Variants in VPS13B observed in about 807,000 individuals in gnomAD.
VPS13B encodes the protein intermembrane lipid transfer protein VPS13B.
Under a neutral mutation model 426.4 loss-of-function variants are expected in VPS13B, and 285 were observed. That is an observed-to-expected ratio of 0.67 (90% CI 0.61 to 0.74). The LOEUF is 0.74. Ranked by LOEUF, VPS13B falls within the 30% of genes least tolerant of loss-of-function variation. VPS13B has a pLI of 0.00. For synonymous variants in VPS13B, 1,676 were observed against 1,676.4 expected (o/e 1.00, Z 0.01); for missense variants, 4,537 against 4,782.6 (o/e 0.95, Z 1.51).
At chr8:99,251,370 G>T (rs1457217097) in intron 17 of VPS13B, among the ~76,000 whole-genome samples, 3 of 151,702 alleles carry the variant, frequency 2.0e-5, no homozygotes, top group Non-Finnish European at 4.4e-5. Context: ...TTTTAATCCT[G>T]AGAGGGTGTT....
intron 25 of VPS13B, among the ~76,000 whole-genome samples, chr8:99,491,466 G>A: frequency 6.6e-6 from 1 of 152,138 alleles, no homozygotes; most frequent in East Asian, 1.9e-4. Flanking sequence ...TTTCTAACTT[G>A]ATTCCATTTT....
At chr8:99,593,069 T>A (rs1173450778) in intron 33 of VPS13B, among the ~76,000 whole-genome samples, 1 of 152,112 alleles carries the variant, frequency 6.6e-6, no homozygotes, top group Non-Finnish European at 1.5e-5. Flanking sequence ...AAATGGGATC[T>A]AATTAAACTA....
At chr8:99,435,027 G>A (rs557755498) in intron 22 of VPS13B, among the ~76,000 whole-genome samples, 1 of 152,324 alleles carries the variant, frequency 6.6e-6, no homozygotes. Flanking sequence ...CCATGGTATG[G>A]AGTATACTGT....
At chr8:99,229,148 A>G (rs1026978050) in intron 17 of VPS13B, among the ~76,000 whole-genome samples, 37 of 152,196 alleles carry the variant, frequency 2.4e-4, no homozygotes, top group African/African-American at 8.9e-4. Context: ...TGTGAAAAAA[A>G]GGGTCGGGAA....
intron 16 of VPS13B, among the ~76,000 whole-genome samples, chr8:99,171,384 C>T (rs939089386): frequency 5.9e-5 from 9 of 151,746 alleles, no homozygotes; most frequent in Non-Finnish European, 8.8e-5. Context: ...CTATTTTCTC[C>T]GTTATGTGCT....
intron 42 of VPS13B, among the ~76,000 whole-genome samples, chr8:99,781,053 T>C (rs542025322): frequency 2.9e-4 from 44 of 152,286 alleles, no homozygotes; most frequent in African/African-American, 1.0e-3. Flanking sequence ...CGGATTCATA[T>C]TGGAGACAAG....
At chr8:99,106,203 G>A (rs1847034354) in intron 5 of VPS13B, among the ~76,000 whole-genome samples, 1 of 151,572 alleles carries the variant, frequency 6.6e-6, no homozygotes, top group Admixed American at 6.6e-5. Flanking sequence ...AGGCTGAGGC[G>A]GGCGGATCCC....
intron 19 of VPS13B, among the ~76,000 whole-genome samples, chr8:99,351,514 A>T (rs1811894779): frequency 6.6e-6 from 1 of 150,770 alleles, no homozygotes; most frequent in Admixed American, 6.6e-5. Context: ...GAATGTGTTC[A>T]CCTTTCTTTC....
intron 21 of VPS13B, among the ~76,000 whole-genome samples, chr8:99,421,845 G>A (rs916103735): frequency 5.3e-5 from 8 of 151,926 alleles, no homozygotes; most frequent in African/African-American, 1.9e-4. Flanking sequence ...GCCCAGCTAA[G>A]TTTTGTAATA....
chr8:99,673,940 G>C (rs2129911854), intron 35 of VPS13B, among the ~76,000 whole-genome samples: 1 of 152,090 alleles, frequency 6.6e-6, no homozygotes, highest in Admixed American at 6.5e-5. Context: ...TTGGTTGCTA[G>C]TTTTATACCA....
At chr8:99,474,013 T>A (rs1363244857) in intron 24 of VPS13B, among the ~76,000 whole-genome samples, 1 of 152,142 alleles carries the variant, frequency 6.6e-6, no homozygotes. Flanking sequence ...TAAAGAGATA[T>A]ATCTCCTCAT....
At chr8:99,040,794 A>G (rs549662658) in intron 3 of VPS13B, among the ~76,000 whole-genome samples, 33 of 152,280 alleles carry the variant, frequency 2.2e-4, no homozygotes, top group African/African-American at 7.7e-4. Context: ...AAAAAAAACT[A>G]TTATGCATAG....
At chr8:99,693,802 G>A (rs1348133226) in intron 35 of VPS13B, among the ~76,000 whole-genome samples, 6 of 150,416 alleles carry the variant, frequency 4.0e-5, no homozygotes, top group South Asian at 2.1e-4. Context: ...AAACCCCATC[G>A]TCTCAGCCCC....
At chr8:99,832,341 A>ATTGTTTTTTTTTTTTTTTTTTTTTTT in intron 51 of VPS13B, 28 bp from the exon 52 acceptor site, 1 of 1,192,552 alleles carries the variant, frequency 8.4e-7, no homozygotes, top group Non-Finnish European at 1.1e-6. Flanking sequence ...TGCTCTCTGC[A>ATTGTTTTTTTTTTTTTTTTTTTTTTT]TTTTTTTTTT....
chr8:99,864,966 T>C (rs1026724751), intron 58 of VPS13B, among the ~76,000 whole-genome samples: 1 of 152,190 alleles, frequency 6.6e-6, no homozygotes, highest in Non-Finnish European at 1.5e-5. Flanking sequence ...CGGCGGGCCT[T>C]CTTGACTCTG....
At chr8:99,591,180 T>A (rs1227290763) in intron 33 of VPS13B, among the ~76,000 whole-genome samples, 1 of 149,412 alleles carries the variant, frequency 6.7e-6, no homozygotes, top group African/African-American at 2.5e-5. Context: ...TTTTTTTTTT[T>A]TTTTGCTTTC....
Position 99,391,767 on chromosome 8 carries a change from A to C in VPS13B, c.3082+63A>C. ...TCTACTTCTAAGCTAGCAAGTTAGC[A>C]TCCACAATTTCATGGATGCTGGCCA... On this transcript the variant is annotated intron_variant, in intron 21 of 61. Coordinates refer to ENST00000357162, the MANE Select transcript of VPS13B (RefSeq NM_152564.5). The C allele has an allele frequency of 7.6e-6, 12 of 1,582,544 alleles. No individual in the cohort carries two copies. In the South Asian group the frequency reaches 1.4e-4, roughly 18 times the overall value.
chr8:99,782,979 G>GAAGT (rs956645946), intron 42 of VPS13B, among the ~76,000 whole-genome samples: 2 of 152,098 alleles, frequency 1.3e-5, no homozygotes, highest in African/African-American at 4.8e-5. Flanking sequence ...AGAGGGCTTA[G>GAAGT]AAGTCCTCAA....
At chr8:99,038,393 T>C in intron 2 of VPS13B, 30 bp from the exon 3 acceptor site, 1 of 1,556,592 alleles carries the variant, frequency 6.4e-7, no homozygotes, top group East Asian at 2.3e-5. Context: ...AAGCACTTAC[T>C]AATTTTTATG....
Sources: allele counts gnomAD v4.1 joint callset (sites outside exome capture counted in the v4.1 genomes callset), GRCh38; gene constraint gnomAD v4.1.1; transcripts MANE v1.5; gene names NCBI Gene and HGNC (gene_info 2026-07-23, HGNC 2026-07-21).